Variants in KHDC4 observed in about 807,000 individuals in gnomAD.
KHDC4 encodes KH domain containing 4, pre-mRNA splicing factor.
A neutral mutation model predicts 74.5 loss-of-function variants in KHDC4; 19 were observed. That is an observed-to-expected ratio of 0.26 (90% CI 0.18 to 0.37). The LOEUF (loss-of-function observed/expected upper bound fraction) is 0.37, where lower values mean the gene tolerates loss of function less well. KHDC4 is among the 10% of genes least tolerant of loss of function. The pLI, the probability that KHDC4 is intolerant of heterozygous loss-of-function variation, is 1.00. For missense variants in KHDC4, 632 were observed against 754.1 expected (o/e 0.84, Z 1.90); for synonymous variants, 253 against 266.1 (o/e 0.95, Z 0.48).
At position 155,933,684 on chromosome 1, in the gene KHDC4, G is replaced by A. The variant is rs1674191900; in HGVS notation, c.204C>T (p.Ala68=). The A allele has an allele frequency of 1.9e-6, 3 of 1,612,602 alleles. No homozygotes were observed. Among genetic ancestry groups the A allele is most frequent in the Non-Finnish European group, 2.5e-6 (3 of 1,178,834 alleles). The change falls in exon 2 of 14, where the codon GCC becomes GCT. Residue 68 remains alanine (A), a synonymous_variant. Coordinates refer to ENST00000368321, the MANE Select transcript of KHDC4 (RefSeq NM_014949.4). ...AAAAVAAKIN[A]MLMAKGKLKP... is the part of the protein sequence containing the mutation. ...TCAGCTTCCCTTTTGCCATGAGCATGGCATTAATCTTGGCAGCCACAGCAG... is the reference window on the plus strand; with the variant it reads ...TCAGCTTCCCTTTTGCCATGAGCATAGCATTAATCTTGGCAGCCACAGCAG...
chr1:155,929,471 G>A (rs1339916614), intron 3 of KHDC4, 96 bp from the exon 4 acceptor site: 1 of 1,152,850 alleles, frequency 8.7e-7, no homozygotes, highest in Admixed American at 2.0e-5. Context: ...ACCAAGTAAA[G>A]AAGGAAAGAA....
At chr1:155,923,419 C>T (rs1014649643) in intron 8 of KHDC4, among the ~76,000 whole-genome samples, 4 of 152,178 alleles carry the variant, frequency 2.6e-5, no homozygotes, top group South Asian at 2.1e-4. Flanking sequence ...CTCTCAAAGA[C>T]TCCAGAAGGA....
At chr1:155,927,279 A>T (rs1674024518) in intron 4 of KHDC4, 123 bp from the exon 5 acceptor site, 1 of 689,902 alleles carries the variant, frequency 1.4e-6, no homozygotes, top group Non-Finnish European at 2.5e-6. Context: ...GACTATATAC[A>T]TTAGAAGGGT....
intron 13 of KHDC4, 192 bp from the exon 14 acceptor site, chr1:155,914,512 G>C: frequency 7.1e-6 from 4 of 560,576 alleles, no homozygotes; most frequent in Non-Finnish European, 1.3e-5. Flanking sequence ...CAGCAAATGT[G>C]AATCCACCAG....
chr1:155,919,957 G>A (rs775834900), intron 10 of KHDC4: 3 of 517,402 alleles, frequency 5.8e-6, no homozygotes, highest in Non-Finnish European at 1.2e-5. Context: ...AAGGGGACTG[G>A]GCAATGGTTC....
chr1:155,921,353 G>C, intron 10 of KHDC4, 22 bp downstream of exon 10: 1 of 1,610,652 alleles, frequency 6.2e-7, no homozygotes, highest in Non-Finnish European at 8.5e-7. Flanking sequence ...GTAATATGTT[G>C]TTGCATATCC....
At chr1:155,919,703 C>T (rs1200384723) in intron 10 of KHDC4, among the ~76,000 whole-genome samples, 3 of 151,696 alleles carry the variant, frequency 2.0e-5, no homozygotes, top group African/African-American at 4.9e-5. Flanking sequence ...CCCAGCTACT[C>T]GGGAGGCTGA....
At chr1:155,915,664 T>C (rs1673715282) in intron 13 of KHDC4, 2 of 485,896 alleles carry the variant, frequency 4.1e-6, no homozygotes, top group Non-Finnish European at 3.6e-6. Flanking sequence ...CCCACCACCA[T>C]GCCCGCTAGT....
Position 155,916,747 on chromosome 1 carries a change from G to T in KHDC4, c.1441-10C>A. 6.4e-7 allele frequency: 1 copy of T among 1,564,188 alleles called. No individual in the cohort carries two copies. The highest frequency in any genetic ancestry group is 8.8e-7 in the Non-Finnish European group (1 of 1,138,662). Reference sequence around the variant, plus strand: ...TATGAATGGGTCCATGCTATGAGCAGAAAAATACAGTGGCATTAGCAAATC... The same window carrying T: ...TATGAATGGGTCCATGCTATGAGCATAAAAATACAGTGGCATTAGCAAATC... On this transcript the variant is annotated splice_polypyrimidine_tract_variant and intron_variant, in intron 11 of 13. Coordinates refer to ENST00000368321, the MANE Select transcript of KHDC4 (RefSeq NM_014949.4).
rs925684093 is a variant in KHDC4 at position 155,924,881 on chromosome 1, T to A, written c.893+751A>T. On this transcript the variant is annotated intron_variant, in intron 7 of 13. Transcript: ENST00000368321. ...GAGCCACCGCACCTGGTTTTTTTTT[T>A]AAGACAGGGTCTCACTCAGTCACCC... Among the ~76,000 whole-genome samples, 5 of 150,184 alleles carry A rather than the reference T, an allele frequency of 3.3e-5. No individual in the cohort carries two copies. The South Asian group carries it at 8.5e-4, about 25-fold the overall frequency.
At chr1:155,926,086 T>C (rs1245555498) in intron 6 of KHDC4, 2 of 693,546 alleles carry the variant, frequency 2.9e-6, no homozygotes, top group East Asian at 2.9e-5. Flanking sequence ...AGTCCTCCAG[T>C]TGTCATCAAG....
intron 2 of KHDC4, among the ~76,000 whole-genome samples, chr1:155,931,599 A>C (rs1383407271): frequency 1.3e-5 from 2 of 152,032 alleles, no homozygotes; most frequent in African/African-American, 4.8e-5. Context: ...TTGTTTTTGT[A>C]TTTTCTGTAG....
intron 8 of KHDC4, among the ~76,000 whole-genome samples, 199 bp downstream of exon 8, chr1:155,923,428 G>T (rs961709734): frequency 1.3e-5 from 2 of 152,170 alleles, no homozygotes; most frequent in African/African-American, 4.8e-5. Flanking sequence ...ACTCCAGAAG[G>T]AACCAATTCT....
At position 155,923,577 on chromosome 1, in the gene KHDC4, C is replaced by T. The variant is rs182510023; in HGVS notation, c.954+50G>A. ...GTGAAAGAAACAGCTAAGACATACT[C>T]CAAAATGGCAATTGCTCTTCTGAAT... On this transcript the variant is annotated intron_variant, in intron 8 of 13. Transcript: ENST00000368321. 497 of 1,378,730 alleles carry T rather than the reference C, an allele frequency of 3.6e-4. 1 individual carries two copies. The Middle Eastern group carries it at 5.5e-3, about 15-fold the overall frequency. 85.4% of individuals were successfully genotyped at this position (1,378,730 alleles called of 1,614,324 possible).
chr1:155,925,479 TTAAC>T (rs965327047), intron 7 of KHDC4, among the ~76,000 whole-genome samples, 149 bp downstream of exon 7: 3 of 152,206 alleles, frequency 2.0e-5, no homozygotes, highest in African/African-American at 2.4e-5. Flanking sequence ...TACAATTTCT[TTAAC>T]TAATTATAAA....
chr1:155,927,242 G>A, intron 4 of KHDC4, 86 bp from the exon 5 acceptor site: 1 of 1,031,208 alleles, frequency 9.7e-7, no homozygotes, highest in Non-Finnish European at 1.5e-6. Context: ...AATTTGTAAT[G>A]TTTCAAGTTT....
At chr1:155,926,966 A>G (rs1674014670) in intron 5 of KHDC4, 127 bp from the exon 6 acceptor site, 2 of 1,319,540 alleles carry the variant, frequency 1.5e-6, no homozygotes, top group African/African-American at 2.9e-5. Flanking sequence ...CCATCCCTCT[A>G]AACTCCCATA....
rs751756965 is a variant in KHDC4 at position 155,925,860 on chromosome 1, AT to A, written c.682-18del. ...ATAATGCATCTGTAGGAAGAACAGA[AT>A]ACTTCAGATTAAACAGAATATATAA... On this transcript the variant is annotated intron_variant, in intron 6 of 13. Transcript: ENST00000368321. 2.6e-6 allele frequency: 4 copies of A among 1,524,904 alleles called. No individual in the cohort carries two copies. Among genetic ancestry groups the A allele is most frequent in the Non-Finnish European group, 3.6e-6 (4 of 1,099,272 alleles). The allele number at this position is 1,524,904 out of a possible 1,614,324, so 94.5% of individuals were successfully genotyped here. A position where few individuals can be genotyped will look rare whatever the true frequency, so the allele number is the denominator to read the frequency against.
intron 4 of KHDC4, among the ~76,000 whole-genome samples, chr1:155,928,460 T>A (rs1280134445): frequency 6.6e-6 from 1 of 152,022 alleles, no homozygotes. Context: ...AAGCTAATGT[T>A]AAAAATGTTG....
Sources: allele counts gnomAD v4.1 joint callset (sites outside exome capture counted in the v4.1 genomes callset), GRCh38; gene constraint gnomAD v4.1.1; transcripts MANE v1.5; gene names NCBI Gene and HGNC (gene_info 2026-07-23, HGNC 2026-07-21).